STX8: variants seen among roughly 807,000 people sequenced by gnomAD.
The protein encoded by STX8 is syntaxin-8.
A neutral mutation model predicts 37.5 loss-of-function variants in STX8; 23 were observed. That is an observed-to-expected ratio of 0.61 (90% CI 0.44 to 0.87). The LOEUF (loss-of-function observed/expected upper bound fraction) is 0.87, where lower values mean the gene tolerates loss of function less well. Ranked by LOEUF, STX8 falls within the 40% of genes least tolerant of loss-of-function variation. STX8 has a pLI of 0.00. For synonymous variants in STX8, 115 were observed against 99.1 expected (o/e 1.16, Z -0.95); for missense variants, 313 against 284.7 (o/e 1.10, Z -0.71).
intron 6 of STX8, among the ~76,000 whole-genome samples, chr17:9,418,845 G>T (rs1259286356): frequency 3.4e-5 from 5 of 146,584 alleles, no homozygotes; most frequent in African/African-American, 4.9e-5. Context: ...AAAAAGGGGG[G>T]GGGGAAGGGG....
At chr17:9,282,568 C>T (rs1316517195) in intron 7 of STX8, among the ~76,000 whole-genome samples, 1 of 152,202 alleles carries the variant, frequency 6.6e-6, no homozygotes, top group Non-Finnish European at 1.5e-5. Context: ...GCAGTTGGTG[C>T]AACTGGAAGC....
chr17:9,380,967 G>A (rs1243522283), intron 6 of STX8, among the ~76,000 whole-genome samples: 3 of 151,798 alleles, frequency 2.0e-5, no homozygotes, highest in East Asian at 1.9e-4. Context: ...CACCCACCTC[G>A]ACCTCCCAAA....
intron 6 of STX8, among the ~76,000 whole-genome samples, chr17:9,445,981 G>A (rs1478339856): frequency 2.6e-5 from 4 of 151,602 alleles, no homozygotes; most frequent in Admixed American, 6.6e-5. Flanking sequence ...GACTACAGGC[G>A]CCTGCCACCA....
chr17:9,294,150 C>T (rs1044347774), intron 7 of STX8, among the ~76,000 whole-genome samples: 1 of 152,160 alleles, frequency 6.6e-6, no homozygotes, highest in African/African-American at 2.4e-5. Context: ...TTTGGGTCTT[C>T]TGATGTCTAT....
At chr17:9,336,054 C>G (rs1910129596) in intron 7 of STX8, among the ~76,000 whole-genome samples, 1 of 152,124 alleles carries the variant, frequency 6.6e-6, no homozygotes, top group Non-Finnish European at 1.5e-5. Context: ...AGATTATATT[C>G]AAGGATGCTC....
chr17:9,550,806 C>T (rs571488020), intron 3 of STX8, among the ~76,000 whole-genome samples: 2 of 152,256 alleles, frequency 1.3e-5, no homozygotes, highest in African/African-American at 4.8e-5. Context: ...TGGGCACAGT[C>T]GCTCACACCT....
chr17:9,320,956 A>C (rs932113752), intron 7 of STX8, among the ~76,000 whole-genome samples: 1 of 151,978 alleles, frequency 6.6e-6, no homozygotes, highest in African/African-American at 2.4e-5. Context: ...CAAAAAAAAA[A>C]AAAAACTTAA....
intron 7 of STX8, among the ~76,000 whole-genome samples, chr17:9,314,057 G>A (rs1909291337): frequency 6.6e-6 from 1 of 152,004 alleles, no homozygotes. Flanking sequence ...TTATATACAC[G>A]TCTTAACTCC....
rs897475779 is a variant in STX8, at chr17:9,360,361, A to G, written c.643+18191T>C. Among the ~76,000 whole-genome samples, 30 of 150,272 alleles carry G rather than the reference A, an allele frequency of 2.0e-4. 1 individual carries two copies. In the East Asian group the frequency reaches 4.1e-3, roughly 21 times the overall value. ...GCGATTCTCCTGCCTCAGCCTCCCG[A>G]GTAGCTGGGATTACAGTCGTGCACC... On this transcript the variant is annotated intron_variant, in intron 7 of 7. Coordinates refer to ENST00000306357, the MANE Select transcript of STX8 (RefSeq NM_004853.3).
rs144374455 is a variant in STX8, at chr17:9,530,407, T to C, written c.323+14765A>G. On this transcript the variant is annotated intron_variant, in intron 4 of 7. Coordinates refer to ENST00000306357, the MANE Select transcript of STX8 (RefSeq NM_004853.3). ...AAATACAGTTTTCCATTTCAGCAAATATGGTTTTCCAAAGAGATTGTACAA... is the reference window on the plus strand; with the variant it reads ...AAATACAGTTTTCCATTTCAGCAAACATGGTTTTCCAAAGAGATTGTACAA... 4.9e-3 allele frequency among the ~76,000 whole-genome samples: 745 copies of C among 152,010 alleles called. 6 individuals are homozygous for C. Among genetic ancestry groups the C allele is most frequent in the Non-Finnish European group, 7.2e-3 (489 of 67,994 alleles).
chr17:9,301,683 G>A (rs1254586405), intron 7 of STX8, among the ~76,000 whole-genome samples: 1 of 150,980 alleles, frequency 6.6e-6, no homozygotes, highest in African/African-American at 2.4e-5. Context: ...TAGTAGAGAC[G>A]GGGTTTCACC....
intron 6 of STX8, among the ~76,000 whole-genome samples, chr17:9,428,448 G>C (rs1597665053): frequency 6.6e-6 from 1 of 152,172 alleles, no homozygotes; most frequent in African/African-American, 2.4e-5. Context: ...CACCGTGTTA[G>C]CCAGGATGGT....
At chr17:9,360,659 G>T (rs1911032186) in intron 7 of STX8, among the ~76,000 whole-genome samples, 1 of 120,628 alleles carries the variant, frequency 8.3e-6, no homozygotes, top group East Asian at 2.9e-4. Context: ...ATATTTATTA[G>T]TGTTAAAAAA....
intron 6 of STX8, among the ~76,000 whole-genome samples, chr17:9,453,487 C>CTTTTTTTTT (rs1168841037): frequency 8.9e-6 from 1 of 112,234 alleles, no homozygotes; most frequent in East Asian, 2.8e-4. Flanking sequence ...CACTACTCAT[C>CTTTTTTTTT]TTTTTTTTTT....
intron 7 of STX8, among the ~76,000 whole-genome samples, chr17:9,300,353 GAAAGAAAGAA>G (rs1567774542): frequency 3.6e-5 from 4 of 112,646 alleles, no homozygotes; most frequent in Non-Finnish European, 6.0e-5. Context: ...AAAAAAGAAA[GAAAGAAAGAA>G]AAAGAAAAAG....
intron 7 of STX8, among the ~76,000 whole-genome samples, chr17:9,374,980 C>T (rs1044919773): frequency 6.8e-6 from 1 of 146,810 alleles, no homozygotes; most frequent in African/African-American, 2.5e-5. Context: ...GGAGAAATCA[C>T]TTGAACCTGG....
At chr17:9,256,045 A>G (rs1906785546) in intron 7 of STX8, among the ~76,000 whole-genome samples, 1 of 152,238 alleles carries the variant, frequency 6.6e-6, no homozygotes, top group African/African-American at 2.4e-5. Flanking sequence ...TTCATGAAAC[A>G]GTCATGCGTG....
intron 7 of STX8, among the ~76,000 whole-genome samples, chr17:9,279,344 C>T (rs1197721468): frequency 1.3e-5 from 2 of 152,252 alleles, no homozygotes; most frequent in African/African-American, 2.4e-5. Flanking sequence ...CCACCTTAGC[C>T]TCCCAGTGTT....
chr17:9,320,938 G>A (rs900659042), intron 7 of STX8, among the ~76,000 whole-genome samples: 7 of 150,258 alleles, frequency 4.7e-5, no homozygotes, highest in African/African-American at 1.2e-4. Flanking sequence ...TGATCCCAAC[G>A]GGGCCTCCAA....
Sources: allele counts gnomAD v4.1 joint callset (sites outside exome capture counted in the v4.1 genomes callset), GRCh38; gene constraint gnomAD v4.1.1; transcripts MANE v1.5; gene names NCBI Gene and HGNC (gene_info 2026-07-23, HGNC 2026-07-21).